The following NDRG2 variants were observed in gnomAD, a reference collection of about 807,000 sequenced individuals.
NDRG2 encodes the protein protein NDRG2.
Under a neutral mutation model 58.2 loss-of-function variants are expected in NDRG2, and 34 were observed. The ratio of observed to expected loss-of-function variants is 0.58; its 90% CI spans 0.44 to 0.78. The LOEUF (loss-of-function observed/expected upper bound fraction) is 0.78. Among genes scored for constraint, NDRG2 ranks in the 30% least tolerant of loss-of-function variants. The pLI is 0.00. For missense variants in NDRG2, 434 were observed against 471.2 expected, an observed-to-expected ratio of 0.92 and a Z score of 0.73; for synonymous variants, 187 against 175.9, an observed-to-expected ratio of 1.06 and a Z score of -0.50.
chr14:21,022,566 G>A (rs1881154617), intron 3 of NDRG2, 69 bp from the exon 4 acceptor site: 1 of 1,189,736 alleles, frequency 8.4e-7, no homozygotes. Flanking sequence ...CAACACCAAG[G>A]TCAGGGAGCT....
chr14:21,025,346 C>G, upstream of NDRG2: 1 of 981,458 alleles, frequency 1.0e-6, no homozygotes, highest in East Asian at 1.1e-4. The surrounding 1 kb of genome is among the most constrained non-coding windows in gnomAD (Gnocchi z 5.1). Context: ...GATCCCTCAG[C>G]CCTGAGAGGG....
At chr14:21,065,277 G>A (rs1886206264) in intron 1 of NDRG2, among the ~76,000 whole-genome samples, 2 of 151,962 alleles carry the variant, frequency 1.3e-5, no homozygotes, top group African/African-American at 4.8e-5. Context: ...ACCTCATGAG[G>A]ACTGATTCCA....
chr14:21,021,998 G>T, intron 5 of NDRG2, 64 bp downstream of exon 5: 1 of 1,612,364 alleles, frequency 6.2e-7, no homozygotes, highest in South Asian at 1.1e-5. Context: ...CTCCCCAGTC[G>T]AACCTTTCCC....
chr14:21,053,838 C>T (rs563291475), intron 1 of NDRG2, among the ~76,000 whole-genome samples: 2 of 152,158 alleles, frequency 1.3e-5, no homozygotes, highest in African/African-American at 4.8e-5. Context: ...CTGATCAGAG[C>T]AAGAGCTAAG....
intron 15 of NDRG2, 28 bp downstream of exon 15, chr14:21,017,959 T>C (rs749790453): frequency 6.2e-6 from 10 of 1,614,010 alleles, no homozygotes; most frequent in Non-Finnish European, 2.5e-6. Flanking sequence ...TCTCCTCTAG[T>C]GCAGCAAGCT....
chr14:21,034,338 G>A, intron 1 of NDRG2: 2 of 1,385,870 alleles, frequency 1.4e-6, no homozygotes, highest in Non-Finnish European at 2.0e-6. Flanking sequence ...TGGGCCTGAA[G>A]TGGCTGTCTG....
chr14:21,064,622 G>C (rs903701605), intron 1 of NDRG2, among the ~76,000 whole-genome samples: 1 of 152,144 alleles, frequency 6.6e-6, no homozygotes, highest in Non-Finnish European at 1.5e-5. Context: ...TTTAACTAAA[G>C]ACAATGTAGG....
In NDRG2 at chr14:21,018,986, T is replaced by C; in HGVS notation, c.761+130A>G. ...AGGGGGAAGACCTAGAGGGAAGTGA[T>C]TTACCAAATAGGATGGGGTGGGACA... On this transcript the variant is annotated intron_variant, in intron 11 of 15. Coordinates refer to ENST00000556147, the MANE Select transcript of NDRG2 (RefSeq NM_001320329.2). 2.4e-6 allele frequency: 3 copies of C among 1,266,858 alleles called. No individual in the cohort carries two copies. In the South Asian group the frequency reaches 4.3e-5, roughly 18 times the overall value. 78.5% of individuals were successfully genotyped at this position (1,266,858 alleles called of 1,614,324 possible). A position where few individuals can be genotyped will look rare whatever the true frequency, so the allele number is the denominator to read the frequency against.
At chr14:21,030,798 G>C (rs778682709), upstream of NDRG2, 9 of 1,601,676 alleles carry the variant, frequency 5.6e-6, no homozygotes, top group African/African-American at 1.1e-4. Context: ...AAGAACCTGC[G>C]AGGTAGTTGG....
At position 21,062,948 on chromosome 14, in the gene NDRG2, TAA is replaced by T. The variant is rs36072613; in HGVS notation, c.24+7878_24+7879del. Among the ~76,000 whole-genome samples the T allele has an allele frequency of 3.5e-3, 453 of 128,062 alleles. 2 individuals are homozygous for T. The highest frequency in any genetic ancestry group is 0.022 in the Middle Eastern group (5 of 230). The allele number at this position is 128,062 out of a possible 152,430, so 84.0% of individuals were successfully genotyped here. A position where few individuals can be genotyped will look rare whatever the true frequency, so the allele number is the denominator to read the frequency against. On this transcript the variant is annotated intron_variant, in intron 1 of 14. Coordinates refer to the NDRG2 transcript ENST00000403829. ...GGGCAGTATAGTGAGACCTTGTCTC[TAA>T]AAAAAAAAAAAAAAAAATTGTTTTA...
intron 11 of NDRG2, 104 bp from the exon 12 acceptor site, chr14:21,018,918 G>C: frequency 6.8e-7 from 1 of 1,470,280 alleles, no homozygotes; most frequent in East Asian, 2.3e-5. Flanking sequence ...AAAGAGGAAA[G>C]ACACTTCTGT....
intron 1 of NDRG2, among the ~76,000 whole-genome samples, chr14:21,050,337 G>A (rs1198952759): frequency 2.0e-5 from 3 of 152,192 alleles, no homozygotes; most frequent in Non-Finnish European, 4.4e-5. Context: ...ATAAGGATAT[G>A]CAACAAGAAA....
intron 1 of NDRG2, chr14:21,058,563 T>C (rs181178707): frequency 3.7e-5 from 21 of 566,332 alleles, no homozygotes; most frequent in African/African-American, 3.0e-4. Context: ...AGCCTTTCAT[T>C]GTAGCTTACT....
intron 3 of NDRG2, 109 bp downstream of exon 3, chr14:21,022,755 T>G: frequency 9.2e-7 from 1 of 1,085,698 alleles, no homozygotes; most frequent in Non-Finnish European, 1.4e-6. Flanking sequence ...AGGACTAGAA[T>G]AGAAGGAAAG....
chr14:21,051,713 A>G (rs1245545759), intron 1 of NDRG2, among the ~76,000 whole-genome samples: 1 of 152,244 alleles, frequency 6.6e-6, no homozygotes, highest in African/African-American at 2.4e-5. Context: ...GAATGTGGCC[A>G]CTGGATTCCA....
chr14:21,057,992 T>A (rs768863829), intron 1 of NDRG2: 19 of 1,613,978 alleles, frequency 1.2e-5, no homozygotes, highest in Non-Finnish European at 1.5e-5. Context: ...GGACATGACA[T>A]CATCTCAGTG....
chr14:21,061,656 T>A (rs1053754110), intron 1 of NDRG2, among the ~76,000 whole-genome samples: 3 of 152,216 alleles, frequency 2.0e-5, no homozygotes, highest in Non-Finnish European at 4.4e-5. Flanking sequence ...ATAAATATTT[T>A]CCAGTGGGTA....
At chr14:21,056,535 C>T (rs1049716203) in intron 1 of NDRG2, among the ~76,000 whole-genome samples, 7 of 152,128 alleles carry the variant, frequency 4.6e-5, no homozygotes, top group South Asian at 2.1e-4. Context: ...GAAACAAACA[C>T]GGGAAAGTGT....
chr14:21,054,884 C>T (rs1594512992), intron 1 of NDRG2, among the ~76,000 whole-genome samples: 1 of 152,022 alleles, frequency 6.6e-6, no homozygotes, highest in Admixed American at 6.5e-5. Context: ...AGAACTGTAC[C>T]GAGCACATTT....
Sources: allele counts gnomAD v4.1 joint callset (sites outside exome capture counted in the v4.1 genomes callset), GRCh38; gene constraint gnomAD v4.1.1; non-coding constraint Gnocchi (gnomAD v3.1); transcripts MANE v1.5; gene names NCBI Gene and HGNC (gene_info 2026-07-23, HGNC 2026-07-21).